Variants in IMMP1L observed in about 807,000 individuals in gnomAD.
IMMP1L encodes mitochondrial inner membrane protease subunit 1.
A neutral mutation model predicts 21.8 loss-of-function variants in IMMP1L; 24 were observed. That is an observed-to-expected ratio of 1.10 (90% CI 0.80 to 1.55). IMMP1L has a LOEUF of 1.55. Ranked by LOEUF, IMMP1L falls within the 40% of genes most tolerant of loss-of-function variation. IMMP1L has a pLI of 0.00. For missense variants in IMMP1L, 195 were observed against 200.7 expected (o/e 0.97, Z 0.17); for synonymous variants, 46 against 62.8 (o/e 0.73, Z 1.26).
chr11:31,479,597 C>A (rs1303042740), intron 1 of IMMP1L, among the ~76,000 whole-genome samples: 2 of 151,984 alleles, frequency 1.3e-5, no homozygotes, highest in Non-Finnish European at 2.9e-5. Flanking sequence ...TAAAAGATGA[C>A]TAGTCCAAAT....
At chr11:31,485,110 AAATG>A (rs1955028706) in intron 1 of IMMP1L, among the ~76,000 whole-genome samples, 1 of 151,862 alleles carries the variant, frequency 6.6e-6, no homozygotes, top group African/African-American at 2.4e-5. Flanking sequence ...TTTCACTTCT[AAATG>A]AATGTTTTCC....
chr11:31,463,388 C>A, intron 1 of IMMP1L, 83 bp from the exon 2 acceptor site: 1 of 1,269,228 alleles, frequency 7.9e-7, no homozygotes, highest in Non-Finnish European at 1.0e-6. Context: ...ATTTTACAAT[C>A]ACCCAAAATG....
At chr11:31,501,565 A>C (rs1955618746) in intron 1 of IMMP1L, among the ~76,000 whole-genome samples, 1 of 152,198 alleles carries the variant, frequency 6.6e-6, no homozygotes, top group South Asian at 2.1e-4. Context: ...ACCCAGTCTC[A>C]GGTATTCTGT....
intron 1 of IMMP1L, among the ~76,000 whole-genome samples, chr11:31,485,682 C>T (rs1420707076): frequency 2.6e-5 from 4 of 151,706 alleles, no homozygotes; most frequent in Admixed American, 6.6e-5. Context: ...GCACTGACAA[C>T]AAAAAGCAAG....
At chr11:31,484,630 C>T (rs149593230) in intron 1 of IMMP1L, among the ~76,000 whole-genome samples, 3 of 151,938 alleles carry the variant, frequency 2.0e-5, no homozygotes, top group East Asian at 3.9e-4. Context: ...GTAATAAATT[C>T]CCAAAATTGG....
intron 4 of IMMP1L, among the ~76,000 whole-genome samples, chr11:31,439,614 T>G (rs556915363): frequency 6.6e-6 from 1 of 152,352 alleles, no homozygotes; most frequent in South Asian, 2.1e-4. Flanking sequence ...CTGATTAAAC[T>G]GGACACTCAC....
intron 4 of IMMP1L, 122 bp from the exon 5 acceptor site, chr11:31,433,692 A>C (rs1953004836): frequency 2.1e-6 from 1 of 468,656 alleles, no homozygotes. Context: ...TAGAATAGAT[A>C]CAAATCCTAA....
intron 1 of IMMP1L, among the ~76,000 whole-genome samples, chr11:31,486,692 G>A (rs1029927315): frequency 6.6e-6 from 1 of 151,804 alleles, no homozygotes; most frequent in African/African-American, 2.4e-5. Context: ...CAGCAGAATG[G>A]ATGAATAAAT....
At chr11:31,499,112 C>T (rs1479219066) in intron 1 of IMMP1L, among the ~76,000 whole-genome samples, 1 of 152,138 alleles carries the variant, frequency 6.6e-6, no homozygotes, top group African/African-American at 2.4e-5. Flanking sequence ...ACACTGTAAT[C>T]CCAGCACTTT....
chr11:31,503,477 A>G (rs1367727783), intron 1 of IMMP1L, among the ~76,000 whole-genome samples: 1 of 152,174 alleles, frequency 6.6e-6, no homozygotes, highest in Admixed American at 6.5e-5. Flanking sequence ...GAGTATTTTT[A>G]AAGATTACGT....
At chr11:31,469,080 T>C (rs190917046) in intron 1 of IMMP1L, among the ~76,000 whole-genome samples, 80 of 152,332 alleles carry the variant, frequency 5.3e-4, no homozygotes, top group African/African-American at 1.9e-3. Flanking sequence ...TTTTCATGTG[T>C]GTATTGATCA....
intron 1 of IMMP1L, among the ~76,000 whole-genome samples, chr11:31,505,200 C>G (rs1955739697): frequency 6.6e-6 from 1 of 152,118 alleles, no homozygotes; most frequent in African/African-American, 2.4e-5. Context: ...TATATGTTTT[C>G]TGGTGTATCT....
intron 1 of IMMP1L, among the ~76,000 whole-genome samples, chr11:31,493,708 G>A (rs1373269335): frequency 6.6e-6 from 1 of 152,140 alleles, no homozygotes; most frequent in Non-Finnish European, 1.5e-5. Context: ...AAGTAAGTTA[G>A]TTACTTCCTA....
At chr11:31,498,277 ATAAAAT>A (rs1955515430) in intron 1 of IMMP1L, among the ~76,000 whole-genome samples, 1 of 152,238 alleles carries the variant, frequency 6.6e-6, no homozygotes, top group Non-Finnish European at 1.5e-5. Context: ...AAGCAGAACT[ATAAAAT>A]TAAAATTCTA....
intron 1 of IMMP1L, among the ~76,000 whole-genome samples, chr11:31,503,434 TAAAG>T (rs1338301256): frequency 6.6e-6 from 1 of 151,824 alleles, no homozygotes; most frequent in Non-Finnish European, 1.5e-5. Context: ...AAGTAGAAAG[TAAAG>T]ACTGAGAAAA....
At chr11:31,488,988 C>G (rs1049502753) in intron 1 of IMMP1L, among the ~76,000 whole-genome samples, 1 of 152,030 alleles carries the variant, frequency 6.6e-6, no homozygotes, top group Non-Finnish European at 1.5e-5. Context: ...GCTCCACCTC[C>G]CGGGTTCACG....
intron 1 of IMMP1L, among the ~76,000 whole-genome samples, chr11:31,497,220 T>C (rs956441358): frequency 3.3e-5 from 5 of 151,438 alleles, no homozygotes; most frequent in East Asian, 1.9e-4. Flanking sequence ...GCATCTGCAA[T>C]AGATTATTCA....
intron 1 of IMMP1L, chr11:31,488,341 T>A (rs559346117): frequency 6.6e-6 from 1 of 152,328 alleles, no homozygotes; most frequent in South Asian, 2.1e-4. Flanking sequence ...GTTGTAACGG[T>A]GCGTCTTCCT....
intron 4 of IMMP1L, among the ~76,000 whole-genome samples, chr11:31,440,826 A>G (rs1355225419): frequency 6.6e-6 from 1 of 152,120 alleles, no homozygotes; most frequent in African/African-American, 2.4e-5. Context: ...TTATGTTTTT[A>G]CCCTTTCCCT....
Sources: gnomAD v4.1 joint callset for allele counts (sites outside exome capture counted in the v4.1 genomes callset) on GRCh38, gnomAD v4.1.1 for gene constraint, MANE v1.5 for transcripts, NCBI Gene and HGNC (gene_info 2026-07-23, HGNC 2026-07-21) for gene names.